Variants in CEP89 observed in about 807,000 individuals in gnomAD.
CEP89 encodes centrosomal protein of 89 kDa.
A neutral mutation model predicts 97.6 loss-of-function variants in CEP89; 95 were observed. That is an observed-to-expected ratio of 0.97 (90% CI 0.82 to 1.15). The LOEUF (loss-of-function observed/expected upper bound fraction) is 1.15. Ranked by LOEUF, CEP89 falls within the 50% of genes most tolerant of loss-of-function variation. The pLI, the probability that CEP89 is intolerant of heterozygous loss-of-function variation, is 0.00. For synonymous variants in CEP89, 354 were observed against 349.1 expected, an observed-to-expected ratio of 1.01 and a Z score of -0.16; for missense variants, 869 against 947.7, an observed-to-expected ratio of 0.92 and a Z score of 1.09.
intron 2 of CEP89, among the ~76,000 whole-genome samples, chr19:32,961,281 A>G (rs922876954): frequency 6.6e-6 from 1 of 151,880 alleles, no homozygotes. Flanking sequence ...ATCATATAAG[A>G]AAGACCCGGC....
intron 9 of CEP89, 43 bp downstream of exon 9, chr19:32,931,386 C>A: frequency 6.5e-7 from 1 of 1,527,616 alleles, no homozygotes; most frequent in Non-Finnish European, 8.8e-7. Context: ...ACAGTAAAGG[C>A]TTAAAAATCT....
rs1056636035 is a variant in CEP89 at position 32,877,671 on chromosome 19, TAATCCCAACACTTTGGGAGGCC to T, written c.*1469_*1490del. ...GACCAGGCGCGGTGGCTCATACCTA[TAATCCCAACACTTTGGGAGGCC>T]TAGGCAGGAGGATTGCTTGAAGCTA... On this transcript the variant is annotated 3_prime_UTR_variant, in exon 19 of 19. Transcript: ENST00000305768. The T allele has an allele frequency of 1.3e-5, 2 of 151,868 alleles. No individual in the cohort carries two copies. The highest frequency in any genetic ancestry group is 2.9e-5 in the Non-Finnish European group (2 of 68,084). 9.4% of individuals were successfully genotyped at this position (151,868 alleles called of 1,614,324 possible).
Position 32,875,934 on chromosome 19 carries a change from T to A in CEP89, c.*3228A>T, listed in dbSNP as rs2145859838. On this transcript the variant is annotated 3_prime_UTR_variant, in exon 19 of 19. Coordinates refer to ENST00000305768, the MANE Select transcript of CEP89 (RefSeq NM_032816.5). ...ACTCAGGAAGCAGGCCTGGGTGTTA[T>A]TTCTTTTTTAATTGTCTATATAACA... 6.6e-6 allele frequency: 1 copy of A among 152,286 alleles called. No individual in the cohort carries two copies. The highest frequency in any genetic ancestry group is 2.4e-5 in the African/African-American group (1 of 41,554). The allele number at this position is 152,286 out of a possible 1,614,324, so 9.4% of individuals were successfully genotyped here.
intron 1 of CEP89, among the ~76,000 whole-genome samples, chr19:32,967,086 C>T (rs1300233636): frequency 6.6e-6 from 1 of 152,152 alleles, no homozygotes; most frequent in Non-Finnish European, 1.5e-5. Context: ...CTCAGCTTCC[C>T]AAAGTGTTGG....
chr19:32,938,617 G>A (rs1457867119), intron 6 of CEP89, among the ~76,000 whole-genome samples: 2 of 152,232 alleles, frequency 1.3e-5, no homozygotes, highest in African/African-American at 2.4e-5. Context: ...AAAAACTTAA[G>A]TTAGAACTAT....
At chr19:32,950,762 C>T (rs1422896958) in intron 4 of CEP89, among the ~76,000 whole-genome samples, 1 of 152,068 alleles carries the variant, frequency 6.6e-6, no homozygotes. Context: ...CCTAAGAGTC[C>T]CAAACTGGAA....
At chr19:32,942,910 T>C (rs1175190620) in intron 5 of CEP89, among the ~76,000 whole-genome samples, 3 of 149,562 alleles carry the variant, frequency 2.0e-5, no homozygotes, top group Non-Finnish European at 4.4e-5. Context: ...AGTGCAGTGG[T>C]GGAAACTGCA....
chr19:32,884,700 G>A (rs76824970), intron 17 of CEP89, among the ~76,000 whole-genome samples: 11,878 of 151,994 alleles, frequency 0.078, 1,432 homozygotes, highest in African/African-American at 0.26. Context: ...GCAGAGTTGG[G>A]AGTACAGGCG....
chr19:32,966,374 A>G lies in CEP89; in HGVS notation c.132T>C (p.Ser44=), dbSNP rs1294864069. 1.3e-6 allele frequency: 2 copies of G among 1,544,862 alleles called. No individual in the cohort carries two copies. Among genetic ancestry groups the G allele is most frequent in the East Asian group, 2.5e-5 (1 of 40,530 alleles). Residue 44 remains serine, a synonymous_variant, in exon 2 of 19, where the codon TCT becomes TCC. Coordinates refer to ENST00000305768, the MANE Select transcript of CEP89 (RefSeq NM_032816.5). ...RTPPPRSPNP[S]PERPRSALAA... is the part of the protein sequence containing the mutation. ...CTGATACTCACCTTGGTCTCTCTGG[A>G]GATGGGTTGGGGCTGCGGGGAGGAG...
intron 7 of CEP89, among the ~76,000 whole-genome samples, chr19:32,934,005 T>C (rs1460851483): frequency 3.9e-5 from 6 of 151,982 alleles, no homozygotes; most frequent in Non-Finnish European, 7.4e-5. Flanking sequence ...TGCTCTTGGG[T>C]GAATCCCTCA....
rs527258439 is a variant in CEP89, at chr19:32,899,715, G to A, written c.1875+142C>T. 9.5e-5 allele frequency: 69 copies of A among 727,858 alleles called. No homozygotes were observed. In the Middle Eastern group the frequency reaches 1.3e-3, roughly 14 times the overall value. The allele number at this position is 727,858 out of a possible 1,614,324, so 45.1% of individuals were successfully genotyped here. A position where few individuals can be genotyped will look rare whatever the true frequency, so the allele number is the denominator to read the frequency against. ...TTCCCAATAAATACATCATAAAGTC[G>A]AAAATTCCTAGGTGGAACCATCCAT... On this transcript the variant is annotated intron_variant, in intron 16 of 18. Coordinates refer to ENST00000305768, the MANE Select transcript of CEP89 (RefSeq NM_032816.5).
At position 32,899,861 on chromosome 19, in the gene CEP89, C is replaced by T; in HGVS notation, c.1871G>A (p.Cys624Tyr). The change falls in exon 16 of 19, where the codon TGT becomes TAT. Residue 624 changes from cysteine to tyrosine, a missense_variant. Physicochemically the swap from Cys to Tyr is radical, Grantham distance 194. Coordinates refer to ENST00000305768, the MANE Select transcript of CEP89 (RefSeq NM_032816.5). ...NITQERDSLM[C>Y]LAKCLESEKD... ...TGTAACCTTCAGGAAACTTACCAAACACATAAGACTGTCACGTTCCTGGGT... is the reference window on the plus strand; with the variant it reads ...TGTAACCTTCAGGAAACTTACCAAATACATAAGACTGTCACGTTCCTGGGT... 6.2e-7 allele frequency: 1 copy of T among 1,612,396 alleles called. No individual in the cohort carries two copies. The highest frequency in any genetic ancestry group is 8.5e-7 in the Non-Finnish European group (1 of 1,179,176).
At chr19:32,943,707 A>G (rs1018626940) in intron 5 of CEP89, among the ~76,000 whole-genome samples, 5 of 152,112 alleles carry the variant, frequency 3.3e-5, no homozygotes, top group Non-Finnish European at 7.4e-5. Context: ...GAGGGAGAGT[A>G]GCATGTGCAC....
chr19:32,948,430 G>T, intron 4 of CEP89, 62 bp from the exon 5 acceptor site: 1 of 959,384 alleles, frequency 1.0e-6, no homozygotes, highest in Non-Finnish European at 1.6e-6. Context: ...TATACAGCAT[G>T]TCCTCCTAAC....
intron 13 of CEP89, chr19:32,917,672 T>A (rs1970156025): frequency 6.0e-6 from 2 of 332,490 alleles, no homozygotes; most frequent in Non-Finnish European, 8.6e-6. Flanking sequence ...CCTGGCCCCC[T>A]TACAGTTGTG....
At chr19:32,913,082 A>G (rs900763746) in intron 14 of CEP89, among the ~76,000 whole-genome samples, 1 of 147,958 alleles carries the variant, frequency 6.8e-6, no homozygotes. Flanking sequence ...ATATATAAAT[A>G]TATAATAATA....
At chr19:32,929,474 C>G (rs748587839) in intron 9 of CEP89, among the ~76,000 whole-genome samples, 3 of 152,026 alleles carry the variant, frequency 2.0e-5, no homozygotes, top group Non-Finnish European at 4.4e-5. Flanking sequence ...CAGTGGAACA[C>G]GCCTGGAATC....
Position 32,926,278 on chromosome 19 carries a change from A to G in CEP89, c.1081-5T>C, listed in dbSNP as rs1394730865. 2 of 1,595,640 alleles carry G rather than the reference A, an allele frequency of 1.3e-6. No individual in the cohort carries two copies. Among genetic ancestry groups the G allele is most frequent in the African/African-American group, 2.7e-5 (2 of 74,598 alleles). ...TGACAGGTACTTTATATCCAACTGAAGATAGAGAGTAAAGGAAGGTTAATA... is the reference window on the plus strand; with the variant it reads ...TGACAGGTACTTTATATCCAACTGAGGATAGAGAGTAAAGGAAGGTTAATA... On this transcript the variant is annotated splice_polypyrimidine_tract_variant and splice_region_variant and intron_variant, in intron 10 of 18. Transcript: ENST00000305768.
intron 12 of CEP89, among the ~76,000 whole-genome samples, 168 bp from the exon 13 acceptor site, chr19:32,918,507 G>C (rs2278404): frequency 6.6e-6 from 1 of 152,008 alleles, no homozygotes; most frequent in Non-Finnish European, 1.5e-5. Flanking sequence ...TTTGCAGTCA[G>C]GCGAGGAAGG....
Sources: allele counts gnomAD v4.1 joint callset (sites outside exome capture counted in the v4.1 genomes callset), GRCh38; gene constraint gnomAD v4.1.1; transcripts MANE v1.5; gene names NCBI Gene and HGNC (gene_info 2026-07-23, HGNC 2026-07-21).